The following FAM135B variants were observed in gnomAD, a reference collection of about 807,000 sequenced individuals.
FAM135B encodes protein FAM135B.
Under a neutral mutation model 127.7 loss-of-function variants are expected in FAM135B, and 43 were observed. The ratio of observed to expected loss-of-function variants is 0.34; its 90% CI spans 0.26 to 0.43. FAM135B has a LOEUF of 0.43. FAM135B is among the 20% of genes least tolerant of loss of function. The pLI, the probability that FAM135B is intolerant of heterozygous loss-of-function variation, is 1.00. For missense variants in FAM135B, 1,558 were observed against 1,725.6 expected, an observed-to-expected ratio of 0.90 and a Z score of 1.72; for synonymous variants, 670 against 665.1, an observed-to-expected ratio of 1.01 and a Z score of -0.11.
chr8:138,347,825 T>TTA (rs1387246276), intron 2 of FAM135B, among the ~76,000 whole-genome samples: 1 of 152,060 alleles, frequency 6.6e-6, no homozygotes, highest in Non-Finnish European at 1.5e-5. Context: ...ACCAGCAGGG[T>TTA]TACCTCGAGT....
At chr8:138,360,667 C>T (rs892727741) in intron 2 of FAM135B, among the ~76,000 whole-genome samples, 8 of 152,194 alleles carry the variant, frequency 5.3e-5, no homozygotes, top group African/African-American at 1.7e-4. Context: ...GGAATTACCT[C>T]GGGAACTTTA....
At chr8:138,441,152 T>C (rs973925631) in intron 1 of FAM135B, 3 of 152,256 alleles carry the variant, frequency 2.0e-5, no homozygotes, top group Admixed American at 6.5e-5. Context: ...ACAAGCATGC[T>C]GGGATGGATA....
chr8:138,407,016 T>A (rs1247670584), intron 1 of FAM135B, among the ~76,000 whole-genome samples: 1 of 150,422 alleles, frequency 6.6e-6, no homozygotes, highest in East Asian at 1.9e-4. Context: ...CCCCAATGTC[T>A]CAGCCCAAAA....
At chr8:138,257,897 TAAA>T (rs1563828591) in intron 4 of FAM135B, among the ~76,000 whole-genome samples, 2 of 147,508 alleles carry the variant, frequency 1.4e-5, no homozygotes, top group African/African-American at 5.1e-5. Context: ...AAAAAAAAAA[TAAA>T]ACAAAACAAA....
intron 7 of FAM135B, among the ~76,000 whole-genome samples, chr8:138,212,685 T>C (rs992225001): frequency 6.6e-6 from 1 of 152,240 alleles, no homozygotes; most frequent in African/African-American, 2.4e-5. Flanking sequence ...AAAACATTTA[T>C]AGATGGCACT....
intron 7 of FAM135B, among the ~76,000 whole-genome samples, chr8:138,222,217 A>C (rs1819074614): frequency 6.6e-6 from 1 of 152,186 alleles, no homozygotes; most frequent in Non-Finnish European, 1.5e-5. Flanking sequence ...ATGCCTGGAG[A>C]GAAAAGGCAG....
In FAM135B at chr8:138,250,929, C is replaced by T; in HGVS notation, c.454G>A (p.Val152Ile). The change falls in exon 6 of 20, where the codon GTC (valine) becomes ATC (isoleucine). Residue 152 changes from valine (V) to isoleucine (I), a missense_variant. Coordinates refer to ENST00000395297, the MANE Select transcript of FAM135B (RefSeq NM_015912.4). ...FHPRNGLHHQ[V>I]PVMFDYFHLS... The stretch of plus-strand genomic sequence containing the variant: ...TGGAAATAGTCGAACATGACCGGGA[C>T]CTGGTGGTGCAGACCATTCCGGGGG... The T allele has an allele frequency of 1.9e-6, 3 of 1,613,858 alleles. No homozygotes were observed. Among genetic ancestry groups the T allele is most frequent in the Non-Finnish European group, 2.5e-6 (3 of 1,179,974 alleles).
chr8:138,337,445 G>A (rs1828689433), intron 2 of FAM135B, among the ~76,000 whole-genome samples: 1 of 151,730 alleles, frequency 6.6e-6, no homozygotes, highest in Admixed American at 6.6e-5. Flanking sequence ...AAAATCACAA[G>A]CATTCTTATA....
intron 7 of FAM135B, among the ~76,000 whole-genome samples, chr8:138,208,877 TA>T (rs139658137): frequency 6.7e-4 from 101 of 151,864 alleles, no homozygotes; most frequent in South Asian, 2.1e-3. Context: ...TCAGAACTTT[TA>T]AAAAAAAATC....
intron 1 of FAM135B, among the ~76,000 whole-genome samples, chr8:138,388,812 T>C (rs1194563985): frequency 6.6e-6 from 1 of 152,144 alleles, no homozygotes; most frequent in Admixed American, 6.5e-5. Context: ...GACATTACAA[T>C]GGTTAATATA....
At chr8:138,247,872 C>A (rs528343905) in intron 6 of FAM135B, among the ~76,000 whole-genome samples, 1 of 152,312 alleles carries the variant, frequency 6.6e-6, no homozygotes, top group East Asian at 1.9e-4. Flanking sequence ...CTCCAATTTA[C>A]CATCCCAAAT....
chr8:138,308,059 C>T (rs530315708), intron 3 of FAM135B, among the ~76,000 whole-genome samples: 1 of 152,268 alleles, frequency 6.6e-6, no homozygotes, highest in Non-Finnish European at 1.5e-5. Context: ...CTGGGGCTGG[C>T]CTTGTCACCT....
intron 3 of FAM135B, among the ~76,000 whole-genome samples, chr8:138,286,437 T>C (rs1174624686): frequency 6.6e-6 from 1 of 152,240 alleles, no homozygotes; most frequent in African/African-American, 2.4e-5. Context: ...CCATCTCCAA[T>C]GGAGGAGATC....
At chr8:138,497,626 C>T (rs1815448819), upstream of FAM135B, among the ~76,000 whole-genome samples, 1 of 152,150 alleles carries the variant, frequency 6.6e-6, no homozygotes, top group African/African-American at 2.4e-5. Flanking sequence ...GCAACCCATA[C>T]CTCCAATGCG....
At chr8:138,466,067 C>A (rs111912153) in intron 1 of FAM135B, among the ~76,000 whole-genome samples, 2 of 152,172 alleles carry the variant, frequency 1.3e-5, no homozygotes, top group African/African-American at 4.8e-5. Flanking sequence ...TGAGCCACTG[C>A]GCCTGGTCTC....
intron 1 of FAM135B, among the ~76,000 whole-genome samples, chr8:138,449,521 T>A (rs1395821940): frequency 2.6e-5 from 4 of 152,128 alleles, no homozygotes; most frequent in Admixed American, 2.6e-4. Flanking sequence ...GGTGGTCATC[T>A]AAGTGGAAAC....
At chr8:138,275,852 G>A (rs997620107) in intron 3 of FAM135B, among the ~76,000 whole-genome samples, 1 of 152,122 alleles carries the variant, frequency 6.6e-6, no homozygotes, top group Admixed American at 6.5e-5. Flanking sequence ...CAGAGCTGAC[G>A]CTTTGTGCTG....
At chr8:138,274,927 C>T (rs113763711) in intron 3 of FAM135B, among the ~76,000 whole-genome samples, 26 of 151,762 alleles carry the variant, frequency 1.7e-4, no homozygotes, top group Non-Finnish European at 2.6e-4. Context: ...CTCAAACACA[C>T]GATGTACAAT....
At position 138,141,116 on chromosome 8, in the gene FAM135B, A is replaced by G. The variant is rs1366099413; in HGVS notation, c.3790+82T>C. 3 of 1,363,972 alleles carry G rather than the reference A, an allele frequency of 2.2e-6. No individual in the cohort carries two copies. The highest frequency in any genetic ancestry group is 1.3e-5 in the South Asian group (1 of 77,190). The allele number at this position is 1,363,972 out of a possible 1,614,324, so 84.5% of individuals were successfully genotyped here. On this transcript the variant is annotated intron_variant, in intron 17 of 19. Transcript: ENST00000395297. This position sits in a 1 kb window ranked among gnomAD's most constrained non-coding sequence, Gnocchi z 4.7. Reference sequence around the variant, plus strand: ...AAGACTGCACAGTCACAGGGTTCCAAGTGGAAGTACCTGTGCCCGGTTTCA... The same window carrying G: ...AAGACTGCACAGTCACAGGGTTCCAGGTGGAAGTACCTGTGCCCGGTTTCA...
Sources: gnomAD v4.1 joint callset for allele counts (sites outside exome capture counted in the v4.1 genomes callset) on GRCh38, gnomAD v4.1.1 for gene constraint, Gnocchi (gnomAD v3.1) non-coding constraint, MANE v1.5 for transcripts, NCBI Gene and HGNC (gene_info 2026-07-23, HGNC 2026-07-21) for gene names.